The following ANK3 variants were observed in gnomAD, a reference collection of about 807,000 sequenced individuals.
ANK3 encodes ankyrin-3.
Under a neutral mutation model 370.9 loss-of-function variants are expected in ANK3, and 57 were observed. The ratio of observed to expected loss-of-function variants is 0.15; its 90% CI spans 0.12 to 0.19. The LOEUF (loss-of-function observed/expected upper bound fraction) is 0.19, where lower values mean the gene tolerates loss of function less well. Ranked by LOEUF, ANK3 falls within the 10% of genes least tolerant of loss-of-function variation. The pLI is 1.00. For missense variants in ANK3, 4,439 were observed against 5,302.1 expected, an observed-to-expected ratio of 0.84 and a Z score of 5.06; for synonymous variants, 1,929 against 1,946.3, an observed-to-expected ratio of 0.99 and a Z score of 0.23.
chr10:60,688,792 C>CA (rs1404178416), intron 1 of ANK3, among the ~76,000 whole-genome samples: 2 of 151,666 alleles, frequency 1.3e-5, no homozygotes, highest in East Asian at 2.0e-4. Context: ...ACTAAAAATA[C>CA]AAAAAATCAG....
chr10:60,724,224 A>G (rs2079909523), intron 1 of ANK3, among the ~76,000 whole-genome samples: 1 of 149,602 alleles, frequency 6.7e-6, no homozygotes, highest in African/African-American at 2.5e-5. Context: ...AAAAAAAAAA[A>G]AAAAAAAAGA....
chr10:60,642,459 A>G (rs2078647677), intron 1 of ANK3, among the ~76,000 whole-genome samples: 3 of 152,218 alleles, frequency 2.0e-5, no homozygotes, highest in Non-Finnish European at 1.5e-5. Flanking sequence ...GCTATAAGAA[A>G]TGATGAGTTC....
intron 32 of ANK3, chr10:60,083,994 G>C (rs2085988359): frequency 1.2e-5 from 2 of 162,238 alleles, no homozygotes; most frequent in South Asian, 3.6e-4. Flanking sequence ...TCATAGTAAT[G>C]TGTATAAACA....
chr10:60,536,966 G>A (rs184067833), intron 2 of ANK3, among the ~76,000 whole-genome samples: 14 of 152,046 alleles, frequency 9.2e-5, no homozygotes, highest in African/African-American at 2.4e-5. Context: ...AAATTCTTCA[G>A]TTGGCTGAAA....
chr10:60,606,764 A>G (rs908780542), intron 2 of ANK3, among the ~76,000 whole-genome samples: 4 of 152,178 alleles, frequency 2.6e-5, no homozygotes, highest in African/African-American at 9.7e-5. Context: ...GGTTCCTTCT[A>G]TGGCTGTAAG....
At chr10:60,708,928 C>T (rs575661693) in intron 1 of ANK3, among the ~76,000 whole-genome samples, 2 of 152,224 alleles carry the variant, frequency 1.3e-5, no homozygotes, top group African/African-American at 4.8e-5. Flanking sequence ...AACGAAGATA[C>T]TATAGGATAT....
At chr10:60,421,364 A>G (rs1682578238) in intron 2 of ANK3, among the ~76,000 whole-genome samples, 1 of 150,738 alleles carries the variant, frequency 6.6e-6, no homozygotes, top group South Asian at 2.1e-4. Flanking sequence ...AAAAGTGGAG[A>G]AAAAAGGGAA....
intron 4 of ANK3, among the ~76,000 whole-genome samples, chr10:60,276,362 G>A (rs530262684): frequency 1.3e-5 from 2 of 152,234 alleles, no homozygotes; most frequent in African/African-American, 4.8e-5. Context: ...TGACATCATT[G>A]TTTGTTACTC....
chr10:60,433,166 A>T (rs1285359909), intron 2 of ANK3, among the ~76,000 whole-genome samples: 1 of 152,144 alleles, frequency 6.6e-6, no homozygotes, highest in Non-Finnish European at 1.5e-5. Flanking sequence ...GAAAAAGAGA[A>T]CATAAGTAAC....
At chr10:60,351,824 T>C (rs2056917283) in intron 1 of ANK3, among the ~76,000 whole-genome samples, 1 of 152,038 alleles carries the variant, frequency 6.6e-6, no homozygotes, top group African/African-American at 2.4e-5. Flanking sequence ...AATGTAAAGG[T>C]ACACCTCCCT....
At chr10:60,611,507 C>T (rs867139835) in intron 2 of ANK3, among the ~76,000 whole-genome samples, 4 of 152,138 alleles carry the variant, frequency 2.6e-5, no homozygotes, top group African/African-American at 4.8e-5. Context: ...ACCAAAATCA[C>T]CCACCCACTT....
intron 2 of ANK3, among the ~76,000 whole-genome samples, chr10:60,599,747 C>A (rs371194698): frequency 1.3e-5 from 2 of 152,246 alleles, no homozygotes; most frequent in South Asian, 2.1e-4. Context: ...AAAACACTCA[C>A]GTTTTTTAAA....
chr10:60,679,276 C>T (rs1447716717), intron 1 of ANK3, among the ~76,000 whole-genome samples: 1 of 152,102 alleles, frequency 6.6e-6, no homozygotes. Context: ...CGGACATAAG[C>T]AGGGCAGGAG....
At chr10:60,536,278 T>C (rs1011073758) in intron 2 of ANK3, among the ~76,000 whole-genome samples, 1 of 152,112 alleles carries the variant, frequency 6.6e-6, no homozygotes, top group Non-Finnish European at 1.5e-5. Context: ...ACTTTAAAGA[T>C]GTAACAATCT....
intron 1 of ANK3, among the ~76,000 whole-genome samples, chr10:60,646,118 A>G (rs2078706174): frequency 6.6e-6 from 1 of 152,094 alleles, no homozygotes; most frequent in African/African-American, 2.4e-5. Flanking sequence ...AACATGTTCC[A>G]ATATCAGCAG....
intron 42 of ANK3, among the ~76,000 whole-genome samples, chr10:60,050,094 T>A (rs1337499985): frequency 6.6e-6 from 1 of 152,138 alleles, no homozygotes; most frequent in Non-Finnish European, 1.5e-5. Flanking sequence ...ATTATGAGAA[T>A]AGCAAAAACT....
In ANK3 at chr10:60,134,252, T is replaced by C; in HGVS notation, c.2841+19A>G. On this transcript the variant is annotated intron_variant, in intron 25 of 43. Transcript: ENST00000280772. Reference sequence around the variant, plus strand: ...ATGTAAGTTTAATGGTCAAAGGCTATTTTGAAAAGAATGCATACCTGCTCT... The same window carrying C: ...ATGTAAGTTTAATGGTCAAAGGCTACTTTGAAAAGAATGCATACCTGCTCT... 1 of 1,596,638 alleles carries C rather than the reference T, an allele frequency of 6.3e-7. No individual in the cohort carries two copies. The highest frequency in any genetic ancestry group is 8.6e-7 in the Non-Finnish European group (1 of 1,166,346).
chr10:60,438,438 C>T (rs1352116770), intron 2 of ANK3, among the ~76,000 whole-genome samples: 2 of 152,130 alleles, frequency 1.3e-5, no homozygotes, highest in South Asian at 2.1e-4. Context: ...CGCTCCTCTG[C>T]TAAATCCCTT....
chr10:60,651,847 T>C (rs771049546), intron 1 of ANK3, among the ~76,000 whole-genome samples: 4 of 152,146 alleles, frequency 2.6e-5, no homozygotes, highest in Non-Finnish European at 5.9e-5. Context: ...CTGTCCTCCC[T>C]TCCACTCTAG....
Sources: gnomAD v4.1 joint callset for allele counts (sites outside exome capture counted in the v4.1 genomes callset) on GRCh38, gnomAD v4.1.1 for gene constraint, MANE v1.5 for transcripts, NCBI Gene and HGNC (gene_info 2026-07-23, HGNC 2026-07-21) for gene names.